Variants in RALGDS observed in about 807,000 individuals in gnomAD.
RALGDS encodes the protein ral guanine nucleotide exchange factor.
A neutral mutation model predicts 99.8 loss-of-function variants in RALGDS; 44 were observed. The ratio of observed to expected loss-of-function variants is 0.44; its 90% CI spans 0.35 to 0.57. The LOEUF (loss-of-function observed/expected upper bound fraction) is 0.57, where lower values mean the gene tolerates loss of function less well. Ranked by LOEUF, RALGDS falls within the 20% of genes least tolerant of loss-of-function variation. The pLI is 0.01. For synonymous variants in RALGDS, 529 were observed against 505.0 expected (o/e 1.05, Z -0.64); for missense variants, 1,022 against 1,203.1 (o/e 0.85, Z 2.23).
chr9:133,125,698 C>T (rs1325495974), upstream of RALGDS, among the ~76,000 whole-genome samples: 4 of 151,942 alleles, frequency 2.6e-5, no homozygotes, highest in South Asian at 4.2e-4. Context: ...ATTGCACCAC[C>T]GCACTCCAGC....
At chr9:133,113,657 G>A (rs1362828979) in intron 1 of RALGDS, among the ~76,000 whole-genome samples, 1 of 152,170 alleles carries the variant, frequency 6.6e-6, no homozygotes, top group East Asian at 1.9e-4. Flanking sequence ...TCTCTCCCCT[G>A]CCTAGAAAGT....
chr9:133,103,898 C>G (rs1839133366), intron 10 of RALGDS, 65 bp from the exon 11 acceptor site: 2 of 1,498,604 alleles, frequency 1.3e-6, no homozygotes, highest in East Asian at 4.5e-5. Flanking sequence ...GCCCCCAGCC[C>G]CAACTGGTCT....
Position 133,102,063 on chromosome 9 carries a change from G to C in RALGDS, c.2086C>G (p.Pro696Ala). The C allele has an allele frequency of 6.4e-7, 1 of 1,567,398 alleles. No homozygotes were observed. The highest frequency in any genetic ancestry group is 8.7e-7 in the Non-Finnish European group (1 of 1,155,638). The stretch of plus-strand genomic sequence containing the variant: ...GCGATGTCCCCGCTGCTGAGGTAGG[G>C]GCCACACCTGAGCTGGTCACAGGAC... ...SKSCDQLRCGPYLSSGDIADA... is the reference protein window; with the variant it reads ...SKSCDQLRCGAYLSSGDIADA... Residue 696 changes from proline to alanine, a missense_variant, in exon 15 of 18, where the codon CCC becomes GCC. Pro to Ala is a conservative substitution (Grantham distance 27, BLOSUM62 -1). This residue lies in a region of RALGDS where 825 missense variants were observed against 994.5 expected (regional missense o/e 0.83). Transcript: ENST00000372050.
rs1018368754 is a variant in RALGDS, at chr9:133,144,656, C to T, written c.18+4307G>A. Among the ~76,000 whole-genome samples, 2 of 152,228 alleles carry T rather than the reference C, an allele frequency of 1.3e-5. No homozygotes were observed. The highest frequency in any genetic ancestry group is 4.8e-5 in the African/African-American group (2 of 41,466). On this transcript the variant is annotated intron_variant, in intron 1 of 17. Transcript: ENST00000393160. The surrounding 1 kb of genome is among the most constrained non-coding windows in gnomAD (Gnocchi z 4.5). The stretch of plus-strand genomic sequence containing the variant: ...CTGAGGAGCAGGCGGGCTCCGCTCA[C>T]GCCCCCACACCCCCTGGCTGGGGGC...
Position 133,101,987 on chromosome 9 carries a change from T to A in RALGDS, c.2162A>T (p.Glu721Val). ...CTCCGGGACGAAGCTGATGTTGATC[T>A]CCTCCACGTCGGAGCTAGAGGAGCC... Reference protein sequence around the residue: ...SAGSSSSDVEEINISFVPESP... With the variant: ...SAGSSSSDVEVINISFVPESP... Residue 721 changes from glutamate to valine, a missense_variant, in exon 15 of 18, where the codon GAG (glutamate) becomes GTG (valine). Physicochemically the swap from Glu to Val is moderately radical, Grantham distance 121. Transcript: ENST00000372050. 2 of 1,551,798 alleles carry A rather than the reference T, an allele frequency of 1.3e-6. No individual in the cohort carries two copies. The highest frequency in any genetic ancestry group is 4.9e-5 in the East Asian group (2 of 40,976).
At chr9:133,127,701 C>T (rs999919121) in intron 1 of RALGDS, among the ~76,000 whole-genome samples, 5 of 152,234 alleles carry the variant, frequency 3.3e-5, no homozygotes, top group African/African-American at 1.2e-4. Context: ...TTCCTGGCAA[C>T]CTCTGGTGGC....
At position 133,144,046 on chromosome 9, in the gene RALGDS, G is replaced by A. The variant is rs1226573039; in HGVS notation, c.18+4917C>T. 2.0e-5 allele frequency among the ~76,000 whole-genome samples: 3 copies of A among 152,110 alleles called. No individual in the cohort carries two copies. The highest frequency in any genetic ancestry group is 2.9e-5 in the Non-Finnish European group (2 of 68,012). On this transcript the variant is annotated intron_variant, in intron 1 of 17. Transcript: ENST00000393160. This position sits in a 1 kb window ranked among gnomAD's most constrained non-coding sequence, Gnocchi z 4.5. Reference sequence around the variant, plus strand: ...ACCTCAGGCATCCCAGCTCCCCTGAGGCAGGGTCTGGGGCTGGGGTTGGGG... The same window carrying A: ...ACCTCAGGCATCCCAGCTCCCCTGAAGCAGGGTCTGGGGCTGGGGTTGGGG...
intron 1 of RALGDS, among the ~76,000 whole-genome samples, chr9:133,142,957 C>T (rs191149392): frequency 2.1e-4 from 32 of 152,344 alleles, no homozygotes; most frequent in East Asian, 7.7e-4. Flanking sequence ...CACTACCTAG[C>T]TGTGGGAGTT....
At position 133,112,064 on chromosome 9, in the gene RALGDS, TTGCCTCCGTGGTGCAGCTGCACCTTGC is replaced by T; in HGVS notation, c.245_271del (p.Arg82_Asn91delinsHis). 1.9e-6 allele frequency: 3 copies of T among 1,582,810 alleles called. No homozygotes were observed. Among genetic ancestry groups the T allele is most frequent in the Non-Finnish European group, 2.6e-6 (3 of 1,163,392 alleles). ...CACCCCGAGCCAGCGCTGCCCCTTG[TTGCCTCCGTGGTGCAGCTGCACCTTGC>T]GCAGGGAGATGGAGTAGATGACTCC... On this transcript the variant is annotated inframe_deletion, in exon 2 of 18. Transcript: ENST00000372050.
intron 15 of RALGDS, 61 bp from the exon 16 acceptor site, chr9:133,101,823 G>T: frequency 6.4e-7 from 1 of 1,556,608 alleles, no homozygotes; most frequent in Non-Finnish European, 8.7e-7. Context: ...CAGGCCAGCT[G>T]CCAGATGGGG....
chr9:133,121,892 GC>G (rs1189144370), upstream of RALGDS, among the ~76,000 whole-genome samples: 1 of 152,150 alleles, frequency 6.6e-6, no homozygotes, highest in Admixed American at 6.5e-5. Flanking sequence ...TGAGTGTGGG[GC>G]TGTGTGTGCA....
At chr9:133,133,288 G>T (rs1159156968), upstream of RALGDS, among the ~76,000 whole-genome samples, 1 of 152,186 alleles carries the variant, frequency 6.6e-6, no homozygotes, top group African/African-American at 2.4e-5. Flanking sequence ...AGGCCATCGA[G>T]GGACTGCTGA....
chr9:133,137,109 T>C (rs1045563335), intron 1 of RALGDS, among the ~76,000 whole-genome samples: 1 of 152,114 alleles, frequency 6.6e-6, no homozygotes. Flanking sequence ...GTGGTGCACC[T>C]GTAGTCCCAG....
In RALGDS at chr9:133,106,003, T is replaced by A; in HGVS notation, c.1531A>T (p.Ile511Phe). 6.2e-7 allele frequency: 1 copy of A among 1,607,982 alleles called. No homozygotes were observed. Among genetic ancestry groups the A allele is most frequent in the Non-Finnish European group, 8.5e-7 (1 of 1,177,944 alleles). ...AAGATCTCTGACAGCTTCTGAAAGA[T>A]CCGGAAACTGTCCCTGTCAGAAGGG... ...WEDVSRDSFRIFQKLSEIFSD... is the reference protein window; with the variant it reads ...WEDVSRDSFRFFQKLSEIFSD... Residue 511 changes from isoleucine to phenylalanine, a missense_variant, in exon 9 of 18, where the codon ATC becomes TTC. Ile to Phe is a conservative substitution (Grantham distance 21, BLOSUM62 0). Coordinates refer to ENST00000372050, the MANE Select transcript of RALGDS (RefSeq NM_006266.4).
At chr9:133,109,976 A>G (rs2119166021) in intron 3 of RALGDS, among the ~76,000 whole-genome samples, 1 of 152,250 alleles carries the variant, frequency 6.6e-6, no homozygotes, top group Non-Finnish European at 1.5e-5. Context: ...CAAGTGGGAA[A>G]ACTGCTTCGC....
intron 1 of RALGDS, among the ~76,000 whole-genome samples, chr9:133,143,841 C>T (rs1363211461): frequency 7.5e-5 from 11 of 147,626 alleles, no homozygotes; most frequent in African/African-American, 2.7e-4. Flanking sequence ...ATGGCTTCCA[C>T]TCATTCCACT....
In RALGDS at chr9:133,106,729, T is replaced by C; in HGVS notation, c.1433A>G (p.Asn478Ser). ...GAGGATGGCATACAGTGACGAGAAG[T>C]TCTTGAGGATCCGGCACTCCTGGGG... Reference protein sequence around the residue: ...EVARECRILKNFSSLYAILSA... With the variant: ...EVARECRILKSFSSLYAILSA... The change falls in exon 8 of 18, where the codon AAC (asparagine) becomes AGC (serine). Residue 478 changes from asparagine (N) to serine (S), a missense_variant. Physicochemically the swap from Asn to Ser is conservative, Grantham distance 46. This residue lies in a region of RALGDS where 825 missense variants were observed against 994.5 expected (regional missense o/e 0.83). Coordinates refer to ENST00000372050, the MANE Select transcript of RALGDS (RefSeq NM_006266.4). 1 of 1,611,974 alleles carries C rather than the reference T, an allele frequency of 6.2e-7. No individual in the cohort carries two copies. Among genetic ancestry groups the C allele is most frequent in the Non-Finnish European group, 8.5e-7 (1 of 1,178,900 alleles).
chr9:133,111,938 T>G, intron 2 of RALGDS, 104 bp downstream of exon 2: 1 of 865,024 alleles, frequency 1.2e-6, no homozygotes, highest in Non-Finnish European at 1.9e-6. Context: ...GGGAAGGGAG[T>G]GAAGGCCGTT....
intron 1 of RALGDS, among the ~76,000 whole-genome samples, chr9:133,143,596 A>G (rs1832560819): frequency 6.6e-6 from 1 of 151,950 alleles, no homozygotes; most frequent in Admixed American, 6.5e-5. Context: ...TCTACAAAAA[A>G]AATCCAAAAA....
Sources: allele counts gnomAD v4.1 joint callset (sites outside exome capture counted in the v4.1 genomes callset), GRCh38; gene constraint gnomAD v4.1.1; regional missense constraint gnomAD v4.1.1; non-coding constraint Gnocchi (gnomAD v3.1); transcripts MANE v1.5; gene names NCBI Gene and HGNC (gene_info 2026-07-23, HGNC 2026-07-21).